ZNF276: variants seen among roughly 807,000 people sequenced by gnomAD.
ZNF276 encodes the protein zinc finger protein 276.
ZNF276 carries 59 observed loss-of-function variants against 63.9 expected under a neutral mutation model. The ratio of observed to expected loss-of-function variants is 0.92; its 90% CI spans 0.75 to 1.15. The LOEUF is 1.15. Ranked by LOEUF, ZNF276 falls within the 50% of genes most tolerant of loss-of-function variation. ZNF276 has a pLI of 0.00. For missense variants in ZNF276, 1,084 were observed against 843.8 expected, an observed-to-expected ratio of 1.28 and a Z score of -3.53; for synonymous variants, 496 against 348.4, an observed-to-expected ratio of 1.42 and a Z score of -4.72.
At chr16:89,720,713 C>T, upstream of ZNF276, 1 of 1,349,800 alleles carries the variant, frequency 7.4e-7, no homozygotes, top group Non-Finnish European at 9.5e-7. Context: ...GGCGGGGGTC[C>T]CTCCAGGGGC....
At chr16:89,728,554 C>T (rs190359866) in intron 5 of ZNF276, among the ~76,000 whole-genome samples, 5 of 152,340 alleles carry the variant, frequency 3.3e-5, no homozygotes, top group African/African-American at 7.2e-5. Flanking sequence ...AGGCACCCGC[C>T]ACCACGCCCG....
At chr16:89,732,902 G>A (rs1286899236) in intron 6 of ZNF276, 7 of 268,790 alleles carry the variant, frequency 2.6e-5, no homozygotes, top group Non-Finnish European at 3.5e-5. Context: ...CTGCGCCCTC[G>A]CCCTCTGCTG....
intron 9 of ZNF276, 152 bp from the exon 10 acceptor site, chr16:89,737,654 G>A (rs1029599914): frequency 4.9e-6 from 7 of 1,428,094 alleles, no homozygotes; most frequent in African/African-American, 2.9e-5. Flanking sequence ...CTTAATAAAC[G>A]AGGCCCTCAT....
At position 89,739,623 on chromosome 16, in the gene ZNF276, T is replaced by TG; in HGVS notation, c.*1382dup. On this transcript the variant is annotated 3_prime_UTR_variant, in exon 11 of 11. Coordinates refer to ENST00000443381, the MANE Select transcript of ZNF276 (RefSeq NM_001113525.2). ...CTATTATCAGTGCTGGGGACACCCC[T>TG]GGGGGTCGGGACGTGTACCCTGGGA... 6.6e-7 allele frequency: 1 copy of TG among 1,526,186 alleles called. No homozygotes were observed. 94.5% of individuals were successfully genotyped at this position (1,526,186 alleles called of 1,614,324 possible).
At chr16:89,728,496 C>T (rs998348254) in intron 5 of ZNF276, among the ~76,000 whole-genome samples, 32 of 152,278 alleles carry the variant, frequency 2.1e-4, no homozygotes, top group South Asian at 8.3e-4. Flanking sequence ...CTCTGCCTCC[C>T]GGGTTCACGC....
chr16:89,737,774 G>A (rs915046341), intron 9 of ZNF276, 32 bp from the exon 10 acceptor site: 4 of 1,612,842 alleles, frequency 2.5e-6, no homozygotes, highest in African/African-American at 1.3e-5. Context: ...GGAGCATCAG[G>A]GGCCTGGACT....
At chr16:89,733,598 AGT>A in intron 8 of ZNF276, 41 bp downstream of exon 8, 1 of 1,606,948 alleles carries the variant, frequency 6.2e-7, no homozygotes, top group Non-Finnish European at 8.5e-7. Flanking sequence ...GGCAGCTGTC[AGT>A]GTGAACCTGG....
intron 4 of ZNF276, among the ~76,000 whole-genome samples, chr16:89,726,900 TCC>T (rs1043184002): frequency 7.2e-5 from 11 of 152,214 alleles, no homozygotes; most frequent in Admixed American, 2.0e-4. Flanking sequence ...TGCATCGGCC[TCC>T]CAAAGTGCTG....
chr16:89,738,800 G>C lies in ZNF276; in HGVS notation c.*554G>C, dbSNP rs1432777263. On this transcript the variant is annotated 3_prime_UTR_variant, in exon 11 of 11. Coordinates refer to ENST00000443381, the MANE Select transcript of ZNF276 (RefSeq NM_001113525.2). Reference sequence around the variant, plus strand: ...CTGGCAGAAATAGTCGAGTTGTATTGCCAGCCAGGCAGGCACATGGCCCAG... The same window carrying C: ...CTGGCAGAAATAGTCGAGTTGTATTCCCAGCCAGGCAGGCACATGGCCCAG... 10 of 1,613,342 alleles carry C rather than the reference G, an allele frequency of 6.2e-6. No homozygotes were observed. Among genetic ancestry groups the C allele is most frequent in the African/African-American group, 1.3e-5 (1 of 74,928 alleles).
chr16:89,732,146 G>A (rs2151688234), intron 6 of ZNF276: 1 of 134,608 alleles, frequency 7.4e-6, no homozygotes, highest in Non-Finnish European at 1.5e-5. Context: ...GATCCAGAAA[G>A]GAACCACAAG....
rs2061360129 is a variant in ZNF276, at chr16:89,723,172, G to T, written c.545G>T (p.Gly182Val). The T allele has an allele frequency of 6.2e-7, 1 of 1,613,130 alleles. No homozygotes were observed. The change falls in exon 3 of 11, where the codon GGA (glycine) becomes GTA (valine). Residue 182 changes from glycine to valine, a missense_variant. Gly to Val is a moderately radical substitution (Grantham distance 109). Transcript: ENST00000443381. Reference sequence around the variant, plus strand: ...CAGCCCCCAACAGGGGCAGAGGAGGGAGCGTGTCTGGGTGAGTCCTCCCCC... The same window carrying T: ...CAGCCCCCAACAGGGGCAGAGGAGGTAGCGTGTCTGGGTGAGTCCTCCCCC... ...GAQPPTGAEE[G>V]ACLVDLITSS...
At chr16:89,721,386 G>T, upstream of ZNF276, 1 of 374,780 alleles carries the variant, frequency 2.7e-6, no homozygotes, top group Non-Finnish European at 4.8e-6. Context: ...ATTGGCGACA[G>T]AGGCGGGCAC....
At chr16:89,730,927 C>T (rs2061626061) in intron 6 of ZNF276, among the ~76,000 whole-genome samples, 1 of 152,330 alleles carries the variant, frequency 6.6e-6, no homozygotes, top group African/African-American at 2.4e-5. Context: ...GTCAGTGGTT[C>T]CCGCCAGAGG....
chr16:89,732,826 C>A lies in ZNF276; in HGVS notation c.1170-476C>A, dbSNP rs1359365193. 4 of 215,622 alleles carry A rather than the reference C, an allele frequency of 1.9e-5. 1 individual carries two copies. The highest frequency in any genetic ancestry group is 3.8e-5 in the Non-Finnish European group (4 of 106,502). The allele number at this position is 215,622 out of a possible 1,614,324, so 13.4% of individuals were successfully genotyped here. On this transcript the variant is annotated intron_variant, in intron 6 of 10. Transcript: ENST00000443381. ...TCACCCTCTGCTGTGTTCACCTGAC[C>A]CTGCTGTGTCCTGCGCCCTTGCCCT... is the stretch of plus-strand genomic sequence containing the variant.
In ZNF276 at chr16:89,739,034, T is replaced by C; in HGVS notation, c.*788T>C. 1.2e-6 allele frequency: 2 copies of C among 1,614,016 alleles called. No homozygotes were observed. Among genetic ancestry groups the C allele is most frequent in the South Asian group, 2.2e-5 (2 of 91,050 alleles). The stretch of plus-strand genomic sequence containing the variant: ...GACATACAGAAACAGGGCTGGTGTG[T>C]CCCCCATAGTCTGCATGCTGTGCCG... On this transcript the variant is annotated 3_prime_UTR_variant, in exon 11 of 11. Coordinates refer to ENST00000443381, the MANE Select transcript of ZNF276 (RefSeq NM_001113525.2).
chr16:89,721,800 G>C lies in ZNF276; in HGVS notation c.160G>C (p.Val54Leu). 1.6e-6 allele frequency: 2 copies of C among 1,254,262 alleles called. No homozygotes were observed. The highest frequency in any genetic ancestry group is 2.0e-6 in the Non-Finnish European group (2 of 1,000,278). The allele number at this position is 1,254,262 out of a possible 1,614,324, so 77.7% of individuals were successfully genotyped here. The part of the protein sequence containing the change: ...GATARRAWGP[V>L]GSCGDAGEDG... ...GACGGCGCGGCGCGCCTGGGGCCCG[G>C]TGGGGTCCTGCGGGGACGCGGGCGA... The change falls in exon 1 of 11, where the codon GTG becomes CTG. Residue 54 changes from valine to leucine, a missense_variant. By Grantham distance (32) the Val-to-Leu change is conservative. Transcript: ENST00000443381.
rs568822228 is a variant in ZNF276, at chr16:89,738,082, C to T, written c.1681C>T (p.Arg561Trp). Reference protein sequence around the residue: ...ELDFACDQCGRRFEKAHNLNV... With the variant: ...ELDFACDQCGWRFEKAHNLNV... ...GGACTTTGCCTGTGACCAGTGTGGC[C>T]GGCGGTTTGAGAAGGCCCACAACCT... is the stretch of plus-strand genomic sequence containing the variant. Residue 561 changes from arginine to tryptophan, a missense_variant, in exon 11 of 11, where the codon CGG becomes TGG. Arg to Trp is a moderately radical substitution (Grantham distance 101). Coordinates refer to ENST00000443381, the MANE Select transcript of ZNF276 (RefSeq NM_001113525.2). 5.6e-6 allele frequency: 9 copies of T among 1,614,042 alleles called. No individual in the cohort carries two copies. Among genetic ancestry groups the T allele is most frequent in the Middle Eastern group, 1.6e-4 (1 of 6,062 alleles).
Position 89,739,104 on chromosome 16 carries a change from C to G in ZNF276, c.*858C>G, listed in dbSNP as rs545928949. ...GAGCCTCCGGCTGGGGGGAGCTCCC[C>G]TGGAGGTGGGACTGGCCCTTGCACC... is the stretch of plus-strand genomic sequence containing the variant. On this transcript the variant is annotated 3_prime_UTR_variant, in exon 11 of 11. Transcript: ENST00000443381. 4 of 1,613,980 alleles carry G rather than the reference C, an allele frequency of 2.5e-6. No homozygotes were observed. The highest frequency in any genetic ancestry group is 2.2e-5 in the East Asian group (1 of 44,890).
intron 6 of ZNF276, 106 bp downstream of exon 6, chr16:89,729,424 G>A: frequency 2.0e-6 from 2 of 1,018,438 alleles, no homozygotes; most frequent in East Asian, 2.4e-5. Flanking sequence ...ACTCTCTCGT[G>A]TGCGGATCTC....
Sources: allele counts gnomAD v4.1 joint callset (sites outside exome capture counted in the v4.1 genomes callset), GRCh38; gene constraint gnomAD v4.1.1; transcripts MANE v1.5; gene names NCBI Gene and HGNC (gene_info 2026-07-23, HGNC 2026-07-21).